The following RREB1 variants were observed in gnomAD, a reference collection of about 807,000 sequenced individuals.
The protein encoded by RREB1 is ras responsive element binding protein 1, also known as ras-responsive element-binding protein 1.
A neutral mutation model predicts 117.8 loss-of-function variants in RREB1; 27 were observed. The ratio of observed to expected loss-of-function variants is 0.23; its 90% CI spans 0.17 to 0.32. RREB1 has a LOEUF of 0.32. Ranked by LOEUF, RREB1 falls within the 10% of genes least tolerant of loss-of-function variation. The probability of loss-of-function intolerance (pLI) is 1.00; values close to 1 mark genes in which losing one functional copy is unlikely to be tolerated. For missense variants in RREB1, 2,577 were observed against 2,378.2 expected, an observed-to-expected ratio of 1.08 and a Z score of -1.74; for synonymous variants, 1,298 against 1,026.7, an observed-to-expected ratio of 1.26 and a Z score of -5.05.
chr6:7,181,900 AC>A lies in RREB1; in HGVS notation c.-8del, dbSNP rs1403483395. 37 of 1,614,168 alleles carry A rather than the reference AC, an allele frequency of 2.3e-5. No individual in the cohort carries two copies. The highest frequency in any genetic ancestry group is 3.1e-5 in the Non-Finnish European group (36 of 1,179,982). On this transcript the variant is annotated 5_prime_UTR_variant, in exon 4 of 13. Transcript: ENST00000379938. ...TAGCAGAGGCTTCTTAGAAGCTTAA[AC>A]CCCTGTCCCAATGACGTCAAGTTCG...
chr6:7,188,928 TAGA>T (rs1765250698), intron 5 of RREB1, among the ~76,000 whole-genome samples: 1 of 152,176 alleles, frequency 6.6e-6, no homozygotes, highest in Non-Finnish European at 1.5e-5. Flanking sequence ...AGCCTTTCAG[TAGA>T]AGTAGTTTTC....
chr6:7,189,365 G>A, intron 6 of RREB1, 43 bp downstream of exon 6: 1 of 1,525,952 alleles, frequency 6.6e-7, no homozygotes. Context: ...GCTGGTACTT[G>A]GAGGTTGGCA....
chr6:7,173,785 A>C (rs111383298), intron 1 of RREB1, among the ~76,000 whole-genome samples: 1 of 150,708 alleles, frequency 6.6e-6, no homozygotes, highest in Non-Finnish European at 1.5e-5. Flanking sequence ...TGGCGACAGA[A>C]AAAAAAAAAG....
intron 6 of RREB1, among the ~76,000 whole-genome samples, chr6:7,200,112 C>T (rs1016966952): frequency 3.9e-5 from 6 of 151,998 alleles, no homozygotes; most frequent in Admixed American, 2.6e-4. Flanking sequence ...TTCCTCAAAA[C>T]ATTTTTCCCT....
At chr6:7,136,750 A>G (rs1373003988) in intron 1 of RREB1, among the ~76,000 whole-genome samples, 2 of 152,214 alleles carry the variant, frequency 1.3e-5, no homozygotes, top group Non-Finnish European at 2.9e-5. Flanking sequence ...TAAAGCATAA[A>G]TATCTTTATT....
At position 7,160,419 on chromosome 6, in the gene RREB1, G is replaced by C. The variant is rs116187557; in HGVS notation, c.-284-16236G>C. 3.5e-3 allele frequency among the ~76,000 whole-genome samples: 538 copies of C among 152,198 alleles called. 2 individuals carry two copies. The highest frequency in any genetic ancestry group is 0.012 in the Admixed American group (184 of 15,280). On this transcript the variant is annotated intron_variant, in intron 1 of 12. Coordinates refer to ENST00000379938, the MANE Select transcript of RREB1 (RefSeq NM_001003699.4). ...ACGTTGTTTCAGATTGCCTTTTCTA[G>C]ACTTTATCCATAAGTATAGCATAGA...
intron 6 of RREB1, among the ~76,000 whole-genome samples, chr6:7,191,086 G>A (rs1260669459): frequency 6.6e-6 from 1 of 152,184 alleles, no homozygotes; most frequent in Non-Finnish European, 1.5e-5. Flanking sequence ...AATAAACACA[G>A]CTATAAAAGG....
intron 1 of RREB1, among the ~76,000 whole-genome samples, chr6:7,152,560 GCAT>G (rs1000780217): frequency 6.6e-6 from 1 of 152,190 alleles, no homozygotes; most frequent in Admixed American, 6.5e-5. Flanking sequence ...GTGACCAAAT[GCAT>G]CACATGAGTG....
At chr6:7,157,447 A>G (rs1179803693) in intron 1 of RREB1, among the ~76,000 whole-genome samples, 3 of 149,924 alleles carry the variant, frequency 2.0e-5, no homozygotes, top group Non-Finnish European at 4.5e-5. Context: ...AAAAAAAAAA[A>G]TTGAGTGCCT....
At chr6:7,188,761 G>A (rs564339443) in intron 5 of RREB1, among the ~76,000 whole-genome samples, 80 of 152,280 alleles carry the variant, frequency 5.3e-4, no homozygotes, top group African/African-American at 1.9e-3. Flanking sequence ...CGGCAGGCCT[G>A]AGTCATCAAA....
At chr6:7,181,556 T>C (rs1764794156) in intron 3 of RREB1, 1 of 530,744 alleles carries the variant, frequency 1.9e-6, no homozygotes, top group Non-Finnish European at 3.3e-6. Flanking sequence ...GGCTTTGTCA[T>C]TGTTGGCTTG....
intron 6 of RREB1, among the ~76,000 whole-genome samples, chr6:7,196,090 G>T (rs77630070): frequency 0.12 from 18,368 of 151,832 alleles, 1,534 homozygotes; most frequent in Non-Finnish European, 0.18. Flanking sequence ...CTGTCCACAC[G>T]CACACGTGGG....
intron 2 of RREB1, among the ~76,000 whole-genome samples, chr6:7,177,879 C>T (rs949767573): frequency 3.3e-5 from 5 of 152,096 alleles, no homozygotes; most frequent in East Asian, 1.9e-4. Flanking sequence ...TGTGCCACCA[C>T]GCCCAGCTAA....
chr6:7,116,464 A>C (rs1466524814), intron 1 of RREB1, among the ~76,000 whole-genome samples: 1 of 152,166 alleles, frequency 6.6e-6, no homozygotes. Flanking sequence ...TTTATCTCTT[A>C]ACATGTTTCT....
At chr6:7,160,122 AT>A (rs11415104) in intron 1 of RREB1, among the ~76,000 whole-genome samples, 142 of 146,360 alleles carry the variant, frequency 9.7e-4, no homozygotes, top group Admixed American at 1.1e-3. Flanking sequence ...TCTTTTTTGC[AT>A]TTTTTTTTTT....
chr6:7,240,356 C>T, intron 10 of RREB1, 82 bp from the exon 11 acceptor site: 1 of 1,181,066 alleles, frequency 8.5e-7, no homozygotes, highest in South Asian at 1.5e-5. Flanking sequence ...TGCCAATGAT[C>T]CCAGGAGAAT....
intron 6 of RREB1, among the ~76,000 whole-genome samples, chr6:7,200,332 C>G (rs1295935381): frequency 8.8e-5 from 13 of 148,104 alleles, no homozygotes; most frequent in Admixed American, 5.5e-4. Context: ...GTCGCCCAGG[C>G]TGGAGCGCAA....
chr6:7,181,627 T>C, intron 3 of RREB1: 1 of 584,332 alleles, frequency 1.7e-6, no homozygotes, highest in South Asian at 2.3e-5. Flanking sequence ...TCTCATGAGT[T>C]TGAGTCCTGT....
In RREB1 at chr6:7,181,131, G is replaced by A. The variant is rs1033172082; in HGVS notation, c.-158G>A. The A allele has an allele frequency of 5.5e-5, 22 of 398,384 alleles. No individual in the cohort carries two copies. Among genetic ancestry groups the A allele is most frequent in the African/African-American group, 3.1e-4 (15 of 48,712 alleles). The allele number at this position is 398,384 out of a possible 1,614,324, so 24.7% of individuals were successfully genotyped here. On this transcript the variant is annotated 5_prime_UTR_variant, in exon 3 of 13. Transcript: ENST00000379938. Reference sequence around the variant, plus strand: ...CCTTTGCTTCCCTTCCAGTGTCAACGAGTACTACCAAGAGAAGAAGACAAG... The same window carrying A: ...CCTTTGCTTCCCTTCCAGTGTCAACAAGTACTACCAAGAGAAGAAGACAAG...
Sources: gnomAD v4.1 joint callset for allele counts (sites outside exome capture counted in the v4.1 genomes callset) on GRCh38, gnomAD v4.1.1 for gene constraint, MANE v1.5 for transcripts, NCBI Gene and HGNC (gene_info 2026-07-23, HGNC 2026-07-21) for gene names.